Variants in MTSS1 observed in about 807,000 individuals in gnomAD.
The protein encoded by MTSS1 is protein MTSS 1.
MTSS1 carries 18 observed loss-of-function variants against 79.0 expected under a neutral mutation model. That is an observed-to-expected ratio of 0.23 (90% CI 0.16 to 0.34). MTSS1 has a LOEUF of 0.34. MTSS1 is among the 10% of genes least tolerant of loss of function. The probability of loss-of-function intolerance (pLI) is 1.00; values close to 1 mark genes in which losing one functional copy is unlikely to be tolerated. For synonymous variants in MTSS1, 341 were observed against 368.6 expected (o/e 0.93, Z 0.86); for missense variants, 815 against 986.2 (o/e 0.83, Z 2.33).
intron 11 of MTSS1, 194 bp from the exon 12 acceptor site, chr8:124,556,599 CT>C (rs1823858990): frequency 1.6e-6 from 1 of 625,570 alleles, no homozygotes; most frequent in Non-Finnish European, 2.7e-6. Flanking sequence ...TGGGAGCCCC[CT>C]GTGTACCTCC....
At chr8:124,650,041 T>C (rs1323113294) in intron 3 of MTSS1, among the ~76,000 whole-genome samples, 2 of 151,928 alleles carry the variant, frequency 1.3e-5, no homozygotes, top group East Asian at 3.9e-4. Context: ...TTTTTTTTTT[T>C]TTCCCTCGAG....
At chr8:124,649,850 G>GA (rs1270808607) in intron 3 of MTSS1, among the ~76,000 whole-genome samples, 1 of 151,938 alleles carries the variant, frequency 6.6e-6, no homozygotes, top group Non-Finnish European at 1.5e-5. Context: ...TTTCAGGTTG[G>GA]AATCTTTCAA....
At chr8:124,604,137 C>T (rs1302655560) in intron 3 of MTSS1, among the ~76,000 whole-genome samples, 1 of 151,930 alleles carries the variant, frequency 6.6e-6, no homozygotes, top group Non-Finnish European at 1.5e-5. Flanking sequence ...CGCTTGGACC[C>T]GGGAGGCGGA....
At chr8:124,601,291 A>C (rs1833770452) in intron 3 of MTSS1, among the ~76,000 whole-genome samples, 1 of 151,784 alleles carries the variant, frequency 6.6e-6, no homozygotes, top group Non-Finnish European at 1.5e-5. Flanking sequence ...CGAACTCCTG[A>C]CCTCTGGTGA....
At chr8:124,611,109 C>CA (rs1341040271) in intron 3 of MTSS1, among the ~76,000 whole-genome samples, 2 of 144,728 alleles carry the variant, frequency 1.4e-5, no homozygotes, top group Admixed American at 7.2e-5. Flanking sequence ...CAGACAGACC[C>CA]CCCCCCCCCA....
intron 1 of MTSS1, among the ~76,000 whole-genome samples, chr8:124,707,141 C>T (rs75127252): frequency 0.014 from 2,076 of 152,254 alleles, 38 homozygotes; most frequent in African/African-American, 0.047. Flanking sequence ...CACCATCTCT[C>T]GGCTACACAA....
chr8:124,705,643 T>C (rs1830283089), intron 1 of MTSS1, among the ~76,000 whole-genome samples: 1 of 152,096 alleles, frequency 6.6e-6, no homozygotes, highest in Non-Finnish European at 1.5e-5. Context: ...TATAATGAGG[T>C]TAATCAACTC....
At chr8:124,712,168 C>T (rs1831263941) in intron 1 of MTSS1, among the ~76,000 whole-genome samples, 1 of 152,088 alleles carries the variant, frequency 6.6e-6, no homozygotes, top group African/African-American at 2.4e-5. Flanking sequence ...ACAAACTGGT[C>T]TTCTTCTACC....
At chr8:124,574,305 T>C (rs1021200755) in intron 6 of MTSS1, among the ~76,000 whole-genome samples, 3 of 151,968 alleles carry the variant, frequency 2.0e-5, no homozygotes, top group Non-Finnish European at 4.4e-5. Context: ...GAAATAAAGA[T>C]CCTGTATCAA....
At chr8:124,643,698 CAAAAA>C (rs11323836) in intron 3 of MTSS1, among the ~76,000 whole-genome samples, 3 of 66,900 alleles carry the variant, frequency 4.5e-5, no homozygotes, top group Non-Finnish European at 8.5e-5. Context: ...AATTCCGTCT[CAAAAA>C]AAAAAAAAAA....
intron 7 of MTSS1, chr8:124,568,174 G>A (rs991753364): frequency 3.0e-5 from 21 of 696,342 alleles, no homozygotes; most frequent in South Asian, 9.7e-5. Flanking sequence ...ACAAAGTAAC[G>A]GGGAACAAGT....
chr8:124,597,525 A>C lies in MTSS1; in HGVS notation c.209-6290T>G, dbSNP rs1563825519. On this transcript the variant is annotated intron_variant, in intron 3 of 13. Coordinates refer to ENST00000518547, the MANE Select transcript of MTSS1 (RefSeq NM_014751.6). This position sits in a 1 kb window ranked among gnomAD's most constrained non-coding sequence, Gnocchi z 4.6. ...TTGCCCCTTGCTGCAGAGACCTGGC[A>C]GCGACAGGCAGGACGGTGGGTCCTT... Among the ~76,000 whole-genome samples, 1 of 152,258 alleles carries C rather than the reference A, an allele frequency of 6.6e-6. No homozygotes were observed. Among genetic ancestry groups the C allele is most frequent in the Non-Finnish European group, 1.5e-5 (1 of 68,044 alleles).
intron 6 of MTSS1, chr8:124,580,601 C>G (rs897584332): frequency 3.3e-6 from 5 of 1,534,768 alleles, no homozygotes; most frequent in Non-Finnish European, 3.5e-6. Context: ...GCAGGATACA[C>G]AATTGACACA....
At chr8:124,616,637 G>C (rs1157677910) in intron 3 of MTSS1, among the ~76,000 whole-genome samples, 1 of 152,170 alleles carries the variant, frequency 6.6e-6, no homozygotes, top group East Asian at 1.9e-4. Flanking sequence ...GAGAGAAAGG[G>C]ATCCTTTGGA....
chr8:124,611,118 C>G (rs80194498), intron 3 of MTSS1, among the ~76,000 whole-genome samples: 3 of 148,828 alleles, frequency 2.0e-5, no homozygotes, highest in African/African-American at 7.5e-5. Flanking sequence ...CCCCCCCCCC[C>G]AGCATGTGAC....
At chr8:124,709,741 G>A (rs1830891041) in intron 1 of MTSS1, among the ~76,000 whole-genome samples, 1 of 152,160 alleles carries the variant, frequency 6.6e-6, no homozygotes, top group African/African-American at 2.4e-5. Context: ...GGTGAGAGAT[G>A]GGGCTTCCCT....
rs1826541855 is a variant in MTSS1 at position 124,683,947 on chromosome 8, A to G, written c.208+15579T>C. On this transcript the variant is annotated intron_variant, in intron 3 of 13. Coordinates refer to ENST00000518547, the MANE Select transcript of MTSS1 (RefSeq NM_014751.6). This position sits in a 1 kb window ranked among gnomAD's most constrained non-coding sequence, Gnocchi z 4.5. ...AGACCGAAAAAGTGACCTGGGCCAT[A>G]GGATTCTCAAATACTGATCATCTGA... Among the ~76,000 whole-genome samples the G allele has an allele frequency of 6.6e-6, 1 of 152,216 alleles. No individual in the cohort carries two copies. The highest frequency in any genetic ancestry group is 2.1e-4 in the South Asian group (1 of 4,830).
chr8:124,572,279 T>G (rs1171532006), intron 6 of MTSS1, among the ~76,000 whole-genome samples: 2 of 152,212 alleles, frequency 1.3e-5, no homozygotes, highest in Admixed American at 1.3e-4. Flanking sequence ...GCTATAATTA[T>G]AGTCAAGACA....
intron 3 of MTSS1, among the ~76,000 whole-genome samples, chr8:124,672,689 A>C (rs768644961): frequency 6.6e-6 from 1 of 152,144 alleles, no homozygotes; most frequent in Non-Finnish European, 1.5e-5. Flanking sequence ...ATGCACCCAT[A>C]GTCCCAGCTA....
Sources: allele counts gnomAD v4.1 joint callset (sites outside exome capture counted in the v4.1 genomes callset), GRCh38; gene constraint gnomAD v4.1.1; non-coding constraint Gnocchi (gnomAD v3.1); transcripts MANE v1.5; gene names NCBI Gene and HGNC (gene_info 2026-07-23, HGNC 2026-07-21).